GPR158: variants seen among roughly 807,000 people sequenced by gnomAD.
GPR158 encodes the protein G protein-coupled receptor 158.
A neutral mutation model predicts 78.2 loss-of-function variants in GPR158; 30 were observed. That is an observed-to-expected ratio of 0.38 (90% CI 0.29 to 0.52). GPR158 has a LOEUF of 0.52. Ranked by LOEUF, GPR158 falls within the 20% of genes least tolerant of loss-of-function variation. The probability of loss-of-function intolerance (pLI) is 0.83; values close to 1 mark genes in which losing one functional copy is unlikely to be tolerated. For synonymous variants in GPR158, 581 were observed against 591.1 expected (o/e 0.98, Z 0.25); for missense variants, 1,463 against 1,523.5 (o/e 0.96, Z 0.66).
intron 2 of GPR158, among the ~76,000 whole-genome samples, chr10:25,327,006 C>G (rs925527346): frequency 3.9e-5 from 6 of 152,120 alleles, no homozygotes; most frequent in Non-Finnish European, 8.8e-5. Flanking sequence ...GCCAAAAATA[C>G]ACATTTGACT....
intron 2 of GPR158, among the ~76,000 whole-genome samples, chr10:25,261,564 A>G (rs1048670899): frequency 2.0e-5 from 3 of 152,176 alleles, no homozygotes; most frequent in African/African-American, 7.2e-5. Context: ...CTGATAGACT[A>G]GTTTCATAGT....
At chr10:25,202,728 C>T (rs939317252) in intron 1 of GPR158, among the ~76,000 whole-genome samples, 1 of 152,088 alleles carries the variant, frequency 6.6e-6, no homozygotes, top group African/African-American at 2.4e-5. Context: ...TGTGCATGTG[C>T]CTTTATAGCA....
Position 25,474,482 on chromosome 10 carries a change from G to C in GPR158, c.1404+7763G>C, listed in dbSNP as rs1357273075. Among the ~76,000 whole-genome samples the C allele has an allele frequency of 2.6e-5, 4 of 152,018 alleles. No individual in the cohort carries two copies. The East Asian group carries it at 7.7e-4, about 29-fold the overall frequency. ...AGTCATCTTCTAGATTTCTAGATAA[G>C]TATCAGTTTTTTAGAAATGCTTTCC... On this transcript the variant is annotated intron_variant, in intron 5 of 10. Coordinates refer to ENST00000376351, the MANE Select transcript of GPR158 (RefSeq NM_020752.3).
intron 2 of GPR158, among the ~76,000 whole-genome samples, chr10:25,379,462 G>A (rs1834125515): frequency 1.3e-5 from 2 of 152,074 alleles, no homozygotes; most frequent in Admixed American, 1.3e-4. Flanking sequence ...ACTTACAGAG[G>A]CTGTCATTGA....
chr10:25,550,939 T>C, intron 5 of GPR158, 37 bp from the exon 6 acceptor site: 1 of 1,062,522 alleles, frequency 9.4e-7, no homozygotes, highest in Non-Finnish European at 1.5e-6. Flanking sequence ...GGGTCATCAG[T>C]TGATCCTGAA....
At chr10:25,542,685 G>A (rs1344905343) in intron 5 of GPR158, among the ~76,000 whole-genome samples, 1 of 151,810 alleles carries the variant, frequency 6.6e-6, no homozygotes, top group South Asian at 2.1e-4. Flanking sequence ...TTAGCTGGGC[G>A]TGGTGGTGGG....
At chr10:25,511,067 T>C (rs1272644821) in intron 5 of GPR158, among the ~76,000 whole-genome samples, 1 of 152,202 alleles carries the variant, frequency 6.6e-6, no homozygotes, top group Non-Finnish European at 1.5e-5. Context: ...TACCTGGTAG[T>C]GGGATTGCTA....
At chr10:25,371,675 C>G (rs1463971089) in intron 2 of GPR158, among the ~76,000 whole-genome samples, 1 of 132,946 alleles carries the variant, frequency 7.5e-6, no homozygotes, top group African/African-American at 2.8e-5. Flanking sequence ...GAAACTGGAT[C>G]CCTTCCTTAC....
At chr10:25,479,908 T>C (rs1835642226) in intron 5 of GPR158, among the ~76,000 whole-genome samples, 1 of 152,120 alleles carries the variant, frequency 6.6e-6, no homozygotes, top group Non-Finnish European at 1.5e-5. Flanking sequence ...CATTTTATTT[T>C]GTGTGGTTTC....
chr10:25,331,028 C>T (rs891087037), intron 2 of GPR158, among the ~76,000 whole-genome samples: 1 of 152,202 alleles, frequency 6.6e-6, no homozygotes, highest in African/African-American at 2.4e-5. Flanking sequence ...CAGCCTACTC[C>T]TGGGCTCAAG....
chr10:25,218,282 A>C (rs1487762357), intron 1 of GPR158, among the ~76,000 whole-genome samples: 1 of 151,976 alleles, frequency 6.6e-6, no homozygotes, highest in African/African-American at 2.4e-5. Flanking sequence ...ACGGTTTTGC[A>C]CAAGCCTGGA....
intron 2 of GPR158, among the ~76,000 whole-genome samples, chr10:25,278,369 C>T (rs527478598): frequency 5.3e-4 from 81 of 151,812 alleles, no homozygotes; most frequent in African/African-American, 1.8e-3. Flanking sequence ...AGGAAGTTAT[C>T]CAGAATGCAA....
chr10:25,178,342 T>C (rs569286596), intron 1 of GPR158, among the ~76,000 whole-genome samples: 1 of 152,276 alleles, frequency 6.6e-6, no homozygotes, highest in South Asian at 2.1e-4. Context: ...CTATAAACAA[T>C]GTAGGTACTG....
chr10:25,245,741 G>A (rs879359236), intron 2 of GPR158, among the ~76,000 whole-genome samples: 1 of 152,154 alleles, frequency 6.6e-6, no homozygotes, highest in Non-Finnish European at 1.5e-5. Context: ...TGAGATTTTG[G>A]AAATTGTGTT....
chr10:25,277,472 G>A (rs893117518), intron 2 of GPR158, among the ~76,000 whole-genome samples: 2 of 144,136 alleles, frequency 1.4e-5, no homozygotes, highest in Non-Finnish European at 3.0e-5. Context: ...AAAAGCAAAA[G>A]AGAGAGAGAG....
At chr10:25,595,170 A>G (rs1837384366) in intron 9 of GPR158, among the ~76,000 whole-genome samples, 2 of 152,152 alleles carry the variant, frequency 1.3e-5, no homozygotes, top group African/African-American at 4.8e-5. Flanking sequence ...CAGAATTATG[A>G]TTTCTTGTCT....
intron 3 of GPR158, among the ~76,000 whole-genome samples, chr10:25,397,514 G>T (rs1326134023): frequency 1.3e-5 from 2 of 152,188 alleles, no homozygotes. Context: ...AGGGTTCATT[G>T]AGATTGAGAC....
rs1352382977 is a variant in GPR158 at position 25,252,672 on chromosome 10, C to T, written c.1008+31515C>T. On this transcript the variant is annotated intron_variant, in intron 2 of 10. Coordinates refer to ENST00000376351, the MANE Select transcript of GPR158 (RefSeq NM_020752.3). Reference sequence around the variant, plus strand: ...CACTTGAAGAGGCAGTCTGCCGGTTCTCAGATCTCCAGCTGCGTGCTGGGA... The same window carrying T: ...CACTTGAAGAGGCAGTCTGCCGGTTTTCAGATCTCCAGCTGCGTGCTGGGA... Among the ~76,000 whole-genome samples the T allele has an allele frequency of 7.9e-5, 12 of 152,324 alleles. No individual in the cohort carries two copies. The East Asian group carries it at 2.1e-3, about 27-fold the overall frequency.
At chr10:25,304,692 G>A (rs575096453) in intron 2 of GPR158, among the ~76,000 whole-genome samples, 3 of 152,162 alleles carry the variant, frequency 2.0e-5, no homozygotes, top group African/African-American at 7.2e-5. Context: ...TTTTACATAT[G>A]AGGATCGACG....
Sources: gnomAD v4.1 joint callset for allele counts (sites outside exome capture counted in the v4.1 genomes callset) on GRCh38, gnomAD v4.1.1 for gene constraint, MANE v1.5 for transcripts, NCBI Gene and HGNC (gene_info 2026-07-23, HGNC 2026-07-21) for gene names.